The following PNPLA7 variants were observed in gnomAD, a reference collection of about 807,000 sequenced individuals.
The protein encoded by PNPLA7 is patatin-like phospholipase domain-containing protein 7.
Under a neutral mutation model 161.7 loss-of-function variants are expected in PNPLA7, and 153 were observed. The ratio of observed to expected loss-of-function variants is 0.95; its 90% CI spans 0.83 to 1.08. The LOEUF is 1.08. Among genes scored for constraint, PNPLA7 ranks in the 50% least tolerant of loss-of-function variants. The pLI, the probability that PNPLA7 is intolerant of heterozygous loss-of-function variation, is 0.00. For synonymous variants in PNPLA7, 809 were observed against 782.1 expected, an observed-to-expected ratio of 1.03 and a Z score of -0.57; for missense variants, 1,739 against 1,856.6, an observed-to-expected ratio of 0.94 and a Z score of 1.16.
chr9:137,471,561 G>A (rs1417984040), intron 25 of PNPLA7, among the ~76,000 whole-genome samples: 1 of 146,200 alleles, frequency 6.8e-6, no homozygotes, highest in Non-Finnish European at 1.5e-5. Flanking sequence ...TCGCGCCACT[G>A]CACTCCAGCC....
intron 13 of PNPLA7, 51 bp downstream of exon 13, chr9:137,505,932 C>A: frequency 6.4e-7 from 1 of 1,560,134 alleles, no homozygotes; most frequent in Non-Finnish European, 8.7e-7. Flanking sequence ...CAGCAAGCCA[C>A]GGAGAGGGTG....
At chr9:137,534,880 C>T (rs1835801821) in intron 8 of PNPLA7, among the ~76,000 whole-genome samples, 2 of 148,746 alleles carry the variant, frequency 1.3e-5, no homozygotes, top group African/African-American at 5.2e-5. Flanking sequence ...CAGGGCCAAA[C>T]ACCAGGACCA....
intron 26 of PNPLA7, among the ~76,000 whole-genome samples, chr9:137,466,565 C>T (rs1017598639): frequency 1.1e-4 from 16 of 150,690 alleles, no homozygotes; most frequent in Non-Finnish European, 1.5e-4. Flanking sequence ...GACCCCGGCA[C>T]GGATCAGACC....
Position 137,521,623 on chromosome 9 carries a change from G to C in PNPLA7, c.957+13C>G, listed in dbSNP as rs372041229. On this transcript the variant is annotated intron_variant, in intron 10 of 34. Transcript: ENST00000406427. ...GGAGCAGCATGGGGCTTTGTGAGGT[G>C]GTTTTCACTTACAGCGTTGAAGAGC... is the stretch of plus-strand genomic sequence containing the variant. 2 of 1,611,726 alleles carry C rather than the reference G, an allele frequency of 1.2e-6. No homozygotes were observed. The highest frequency in any genetic ancestry group is 1.7e-6 in the Non-Finnish European group (2 of 1,179,516).
chr9:137,478,937 A>T, intron 24 of PNPLA7, 119 bp downstream of exon 24: 1 of 1,296,990 alleles, frequency 7.7e-7, no homozygotes, highest in Non-Finnish European at 1.0e-6. Context: ...TCACAAGCAC[A>T]GGAAGGGCCC....
intron 25 of PNPLA7, among the ~76,000 whole-genome samples, chr9:137,471,318 T>C (rs1225050550): frequency 6.6e-6 from 1 of 152,212 alleles, no homozygotes; most frequent in Non-Finnish European, 1.5e-5. Flanking sequence ...ATACCATTTA[T>C]GGCCGGGCAC....
intron 28 of PNPLA7, among the ~76,000 whole-genome samples, chr9:137,463,864 T>C (rs115581939): frequency 0.014 from 2,151 of 152,206 alleles, 50 homozygotes; most frequent in African/African-American, 0.049. Context: ...CTTTGTCCTC[T>C]CACATGGTAT....
At chr9:137,501,520 A>G (rs1833414755) in intron 15 of PNPLA7, 130 bp downstream of exon 15, 1 of 868,278 alleles carries the variant, frequency 1.2e-6, no homozygotes, top group Non-Finnish European at 1.8e-6. Flanking sequence ...TGGTGCCCAG[A>G]GGGGCAGTGG....
Position 137,506,071 on chromosome 9 carries a change from C to A in PNPLA7, c.1238G>T (p.Ser413Ile). 1 of 1,612,266 alleles carries A rather than the reference C, an allele frequency of 6.2e-7. No homozygotes were observed. Among genetic ancestry groups the A allele is most frequent in the Non-Finnish European group, 8.5e-7 (1 of 1,179,406 alleles). ...DPSAPQGGPG[S>I]ATSDLGMACD... is the part of the protein sequence containing the mutation. ...TGCCATCCCCAGATCAGAAGTGGCA[C>A]TGCCTGGGCCCCCTACACACAGAGG... The change falls in exon 13 of 35, where the codon AGT (serine) becomes ATT (isoleucine). Residue 413 changes from serine to isoleucine, a missense_variant. Physicochemically the swap from Ser to Ile is moderately radical, Grantham distance 142. Transcript: ENST00000406427.
At position 137,541,533 on chromosome 9, in the gene PNPLA7, C is replaced by A; in HGVS notation, c.667-811G>T. 1.0e-6 allele frequency: 1 copy of A among 980,106 alleles called. No individual in the cohort carries two copies. Among genetic ancestry groups the A allele is most frequent in the Non-Finnish European group, 1.2e-6 (1 of 825,020 alleles). 60.7% of individuals were successfully genotyped at this position (980,106 alleles called of 1,614,324 possible). On this transcript the variant is annotated intron_variant, in intron 7 of 34. Coordinates refer to ENST00000406427, the MANE Select transcript of PNPLA7 (RefSeq NM_001098537.3). The surrounding 1 kb of genome is among the most constrained non-coding windows in gnomAD (Gnocchi z 4.4). ...GGGACCACAGCTGGCAGGAGCCCTG[C>A]AGGTCAGGGTGATGATCACACAAAG... is the stretch of plus-strand genomic sequence containing the variant.
rs145027368 is a variant in PNPLA7 at position 137,498,223 on chromosome 9, C to T, written c.1780G>A (p.Val594Ile). ...FYEIMRKQPT[V>I]VLGVAHTVVK... ...ACAGTGTGCGCCACACCCAGGACGACGGTCGGCTGCTTCCGCATGATTCTG... is the reference window on the plus strand; with the variant it reads ...ACAGTGTGCGCCACACCCAGGACGATGGTCGGCTGCTTCCGCATGATTCTG... Residue 594 changes from valine to isoleucine, a missense_variant, in exon 17 of 35, where the codon GTC becomes ATC. Transcript: ENST00000406427. 2.1e-5 allele frequency: 34 copies of T among 1,611,796 alleles called. 1 individual carries two copies. Among genetic ancestry groups the T allele is most frequent in the Middle Eastern group, 1.6e-4 (1 of 6,080 alleles).
chr9:137,506,240 T>G (rs1180024336), intron 12 of PNPLA7, among the ~76,000 whole-genome samples, 157 bp from the exon 13 acceptor site: 1 of 152,182 alleles, frequency 6.6e-6, no homozygotes, highest in East Asian at 1.9e-4. Flanking sequence ...CTGCTTTCTT[T>G]CGGCATCTGC....
chr9:137,546,237 C>A (rs928301247), intron 4 of PNPLA7, among the ~76,000 whole-genome samples: 1 of 152,080 alleles, frequency 6.6e-6, no homozygotes, highest in African/African-American at 2.4e-5. Flanking sequence ...CAGGGAAGGG[C>A]CTCCTGTCAA....
chr9:137,520,874 A>G lies in PNPLA7; in HGVS notation c.957+762T>C, dbSNP rs1564347517. Among the ~76,000 whole-genome samples the G allele has an allele frequency of 6.6e-6, 1 of 152,250 alleles. No homozygotes were observed. The highest frequency in any genetic ancestry group is 1.5e-5 in the Non-Finnish European group (1 of 68,038). On this transcript the variant is annotated intron_variant, in intron 10 of 34. Coordinates refer to ENST00000406427, the MANE Select transcript of PNPLA7 (RefSeq NM_001098537.3). The surrounding 1 kb of genome is among the most constrained non-coding windows in gnomAD (Gnocchi z 5.2). ...CCGGTTCAGATAGGAGGAGCTGTCA[A>G]GGGCAACACACAGGGAGTGCTGGCA... is the stretch of plus-strand genomic sequence containing the variant.
chr9:137,546,092 T>A (rs886614558), intron 4 of PNPLA7, among the ~76,000 whole-genome samples: 1 of 152,112 alleles, frequency 6.6e-6, no homozygotes, highest in Non-Finnish European at 1.5e-5. Flanking sequence ...TCATGTTCCA[T>A]CCTGTACACC....
At chr9:137,477,989 A>G (rs1320324824) in intron 25 of PNPLA7, 45 bp downstream of exon 25, 1 of 1,279,908 alleles carries the variant, frequency 7.8e-7, no homozygotes. Flanking sequence ...GGCGACTGTC[A>G]CCACACACAC....
chr9:137,500,557 G>A lies in PNPLA7; in HGVS notation c.1757+134C>T. ...GGCACAGACCTGGGCCCACACAGGT[G>A]CCGGGGACAAAGAGGGGAGCCCGAG... On this transcript the variant is annotated intron_variant, in intron 16 of 34. Transcript: ENST00000406427. This position sits in a 1 kb window ranked among gnomAD's most constrained non-coding sequence, Gnocchi z 5.5. 2 of 833,590 alleles carry A rather than the reference G, an allele frequency of 2.4e-6. No homozygotes were observed. The highest frequency in any genetic ancestry group is 5.3e-5 in the East Asian group (2 of 37,600). The allele number at this position is 833,590 out of a possible 1,614,324, so 51.6% of individuals were successfully genotyped here.
chr9:137,544,363 T>C (rs1308556072), intron 4 of PNPLA7, among the ~76,000 whole-genome samples: 1 of 152,188 alleles, frequency 6.6e-6, no homozygotes, highest in African/African-American at 2.4e-5. Flanking sequence ...CTGCTGCCCC[T>C]CGGTCCAGAG....
rs538002772 is a variant in PNPLA7, at chr9:137,502,570, C to T, written c.1474-843G>A. On this transcript the variant is annotated intron_variant, in intron 14 of 34. Coordinates refer to ENST00000406427, the MANE Select transcript of PNPLA7 (RefSeq NM_001098537.3). ...ACGGCCGCTGACGGAGAGGCCGCAT[C>T]GCCCCAGGGCGCGTTGTCAGCCCGA... is the stretch of plus-strand genomic sequence containing the variant. 2.3e-3 allele frequency among the ~76,000 whole-genome samples: 323 copies of T among 142,684 alleles called. 1 individual carries two copies. The highest frequency in any genetic ancestry group is 3.8e-3 in the Non-Finnish European group (251 of 65,690). 93.6% of individuals were successfully genotyped at this position (142,684 alleles called of 152,430 possible). A position where few individuals can be genotyped will look rare whatever the true frequency, so the allele number is the denominator to read the frequency against.
Sources: allele counts gnomAD v4.1 joint callset (sites outside exome capture counted in the v4.1 genomes callset), GRCh38; gene constraint gnomAD v4.1.1; non-coding constraint Gnocchi (gnomAD v3.1); transcripts MANE v1.5; gene names NCBI Gene and HGNC (gene_info 2026-07-23, HGNC 2026-07-21).